OTUD7A: variants seen among roughly 807,000 people sequenced by gnomAD.
OTUD7A encodes OTU deubiquitinase 7A, also known as OTU domain-containing protein 7A.
A neutral mutation model predicts 65.7 loss-of-function variants in OTUD7A; 12 were observed. That is an observed-to-expected ratio of 0.18 (90% CI 0.12 to 0.30). The LOEUF (loss-of-function observed/expected upper bound fraction) is 0.30. Ranked by LOEUF, OTUD7A falls within the 10% of genes least tolerant of loss-of-function variation. The pLI is 1.00. For missense variants in OTUD7A, 1,148 were observed against 1,304.8 expected (o/e 0.88, Z 1.85); for synonymous variants, 641 against 586.3 (o/e 1.09, Z -1.35).
At chr15:31,753,262 C>T (rs1002368303) in intron 1 of OTUD7A, among the ~76,000 whole-genome samples, 4 of 151,776 alleles carry the variant, frequency 2.6e-5, no homozygotes, top group Admixed American at 2.0e-4. Context: ...AAAAAGAAAT[C>T]TCCAGATCCA....
chr15:31,518,505 GCA>G (rs1452674543), intron 8 of OTUD7A, among the ~76,000 whole-genome samples: 1 of 152,060 alleles, frequency 6.6e-6, no homozygotes. Context: ...ACATCTGTGT[GCA>G]CACACGTATG....
intron 1 of OTUD7A, among the ~76,000 whole-genome samples, chr15:31,834,064 T>G (rs1385286838): frequency 1.3e-5 from 2 of 152,248 alleles, no homozygotes; most frequent in Admixed American, 6.5e-5. Context: ...TAAGGACATC[T>G]GTCCTGAAAA....
chr15:31,760,686 T>C (rs1453482857), intron 1 of OTUD7A, among the ~76,000 whole-genome samples: 1 of 152,208 alleles, frequency 6.6e-6, no homozygotes, highest in Non-Finnish European at 1.5e-5. Flanking sequence ...CTGGCTTTTT[T>C]TTCAGAAATT....
chr15:31,551,420 A>C (rs1888320619), intron 5 of OTUD7A, among the ~76,000 whole-genome samples: 1 of 152,214 alleles, frequency 6.6e-6, no homozygotes, highest in Non-Finnish European at 1.5e-5. Flanking sequence ...TGGCATTGTG[A>C]ATAGCTTGAA....
chr15:31,654,726 T>C (rs1891938004), intron 3 of OTUD7A, among the ~76,000 whole-genome samples: 1 of 152,188 alleles, frequency 6.6e-6, no homozygotes, highest in African/African-American at 2.4e-5. Context: ...GGTATCTACG[T>C]GAAAAGCTGG....
intron 1 of OTUD7A, among the ~76,000 whole-genome samples, chr15:31,823,503 G>A (rs1446485863): frequency 6.6e-6 from 1 of 152,222 alleles, no homozygotes; most frequent in Non-Finnish European, 1.5e-5. Flanking sequence ...TCATTATCCT[G>A]TTTTTGAGAG....
In OTUD7A at chr15:31,583,518, A is replaced by T. The variant is rs142547428; in HGVS notation, c.152-13321T>A. On this transcript the variant is annotated intron_variant, in intron 3 of 12. Coordinates refer to ENST00000307050, the MANE Select transcript of OTUD7A (RefSeq NM_001382637.1). The stretch of plus-strand genomic sequence containing the variant: ...GGAGCCAGTGGGAGACAATTGAATC[A>T]TGGGGGTGGTTTCCCCCATACTGTT... Among the ~76,000 whole-genome samples, 41 of 152,166 alleles carry T rather than the reference A, an allele frequency of 2.7e-4. No homozygotes were observed. The East Asian group carries it at 8.0e-3, about 30-fold the overall frequency.
At chr15:31,715,132 A>C (rs1465402632) in intron 1 of OTUD7A, among the ~76,000 whole-genome samples, 1 of 151,988 alleles carries the variant, frequency 6.6e-6, no homozygotes, top group East Asian at 1.9e-4. Flanking sequence ...ACTCTGTCTC[A>C]AAAAAACAAA....
intron 3 of OTUD7A, among the ~76,000 whole-genome samples, chr15:31,589,048 C>T (rs1210401731): frequency 1.3e-5 from 2 of 152,130 alleles, no homozygotes; most frequent in African/African-American, 4.8e-5. Context: ...CATGAGGCCT[C>T]GTAGCCTGCT....
chr15:31,680,585 G>A (rs975026210), intron 1 of OTUD7A, among the ~76,000 whole-genome samples: 1 of 152,130 alleles, frequency 6.6e-6, no homozygotes, highest in Admixed American at 6.5e-5. Flanking sequence ...AGGAGCTCAG[G>A]ACCCGGGAGG....
intron 1 of OTUD7A, among the ~76,000 whole-genome samples, chr15:31,722,847 A>G (rs1893777821): frequency 6.6e-6 from 1 of 152,252 alleles, no homozygotes; most frequent in South Asian, 2.1e-4. Context: ...CACAGAGGCC[A>G]TGGGATTTCC....
chr15:31,515,761 C>A (rs903249828), intron 8 of OTUD7A, among the ~76,000 whole-genome samples: 15 of 144,324 alleles, frequency 1.0e-4, no homozygotes, highest in Non-Finnish European at 2.1e-4. Context: ...ACCCACCCAC[C>A]CACACAACTG....
intron 1 of OTUD7A, among the ~76,000 whole-genome samples, chr15:31,722,737 A>C (rs567435308): frequency 6.6e-6 from 1 of 152,330 alleles, no homozygotes; most frequent in Non-Finnish European, 1.5e-5. Context: ...TTTGGGTTGA[A>C]AGGTCCCTAG....
chr15:31,484,401 C>T lies in OTUD7A; in HGVS notation c.1695G>A (p.Glu565=), dbSNP rs200619668. 1 of 1,601,552 alleles carries T rather than the reference C, an allele frequency of 6.2e-7. No individual in the cohort carries two copies. Among genetic ancestry groups the T allele is most frequent in the East Asian group, 2.2e-5 (1 of 44,820 alleles). ...ACTTGGCCTTCTTCTCCTTGCCCCG[C>T]TCGGCCGAGTCCCCGTTCTTGCCAT... ...SANGKNGDSA[E]RGKEKKAKSR... The change falls in exon 13 of 13, where the codon GAG becomes GAA. Residue 565 remains glutamate (E), a synonymous_variant. Coordinates refer to ENST00000307050, the MANE Select transcript of OTUD7A (RefSeq NM_001382637.1). The surrounding 1 kb of genome is among the most constrained non-coding windows in gnomAD (Gnocchi z 4.5).
intron 6 of OTUD7A, among the ~76,000 whole-genome samples, chr15:31,528,406 T>C (rs2042043552): frequency 6.7e-6 from 1 of 149,792 alleles, no homozygotes; most frequent in Non-Finnish European, 1.5e-5. Flanking sequence ...AGAGGGAGAG[T>C]GAAAAGGGGG....
intron 3 of OTUD7A, among the ~76,000 whole-genome samples, chr15:31,652,193 T>G (rs1891860341): frequency 6.6e-6 from 1 of 152,170 alleles, no homozygotes; most frequent in Admixed American, 6.5e-5. Context: ...ACAAATACCC[T>G]CAGTTGGCTT....
intron 3 of OTUD7A, among the ~76,000 whole-genome samples, chr15:31,619,905 G>C (rs929483430): frequency 1.3e-5 from 2 of 152,190 alleles, no homozygotes; most frequent in African/African-American, 2.4e-5. Context: ...CTGTGGGTCT[G>C]TAATAGATAG....
At chr15:31,828,910 G>A (rs1896863667) in intron 1 of OTUD7A, among the ~76,000 whole-genome samples, 1 of 152,126 alleles carries the variant, frequency 6.6e-6, no homozygotes, top group Admixed American at 6.5e-5. Flanking sequence ...GGAGGGCATG[G>A]TCCCTTCTTC....
chr15:31,503,835 A>G lies in OTUD7A; in HGVS notation c.894-17T>C, dbSNP rs752455408. 4.3e-6 allele frequency: 7 copies of G among 1,613,992 alleles called. No individual in the cohort carries two copies. The Admixed American group carries it at 1.2e-4, about 27-fold the overall frequency. On this transcript the variant is annotated splice_polypyrimidine_tract_variant and intron_variant, in intron 8 of 12. Transcript: ENST00000307050. ...TTGTCCACACTGTGAAACAAAACAGAGCCAGCTGGTCACTGACTAAAACAG... is the reference window on the plus strand; with the variant it reads ...TTGTCCACACTGTGAAACAAAACAGGGCCAGCTGGTCACTGACTAAAACAG...
Sources: gnomAD v4.1 joint callset for allele counts (sites outside exome capture counted in the v4.1 genomes callset) on GRCh38, gnomAD v4.1.1 for gene constraint, Gnocchi (gnomAD v3.1) non-coding constraint, MANE v1.5 for transcripts, NCBI Gene and HGNC (gene_info 2026-07-23, HGNC 2026-07-21) for gene names.